NEGR1: variants seen among roughly 807,000 people sequenced by gnomAD.
NEGR1 encodes neuronal growth regulator 1.
In NEGR1, 10 loss-of-function variants were observed where a neutral mutation model predicts 40.9. The observed-to-expected ratio is 0.24, with a 90% CI of 0.15 to 0.42. The LOEUF (loss-of-function observed/expected upper bound fraction) is 0.42. Ranked by LOEUF, NEGR1 falls within the 10% of genes least tolerant of loss-of-function variation. NEGR1 has a pLI of 1.00. For missense variants in NEGR1, 352 were observed against 438.9 expected (o/e 0.80, Z 1.77); for synonymous variants, 185 against 166.8 (o/e 1.11, Z -0.84).
intron 2 of NEGR1, among the ~76,000 whole-genome samples, chr1:71,853,727 T>C (rs1659680318): frequency 6.6e-6 from 1 of 152,160 alleles, no homozygotes; most frequent in Non-Finnish European, 1.5e-5. Flanking sequence ...CAAGAGACAG[T>C]AGAAGAAAGC....
chr1:71,742,638 A>T (rs1655250883), intron 3 of NEGR1, among the ~76,000 whole-genome samples: 1 of 152,144 alleles, frequency 6.6e-6, no homozygotes, highest in Non-Finnish European at 1.5e-5. Context: ...TTGGAAGCAC[A>T]TAACTTGTCT....
rs371491907 is a variant in NEGR1, at chr1:71,639,167, G to C, written c.668-28021C>G. Among the ~76,000 whole-genome samples the C allele has an allele frequency of 4.9e-4, 67 of 136,896 alleles. No homozygotes were observed. In the Middle Eastern group the frequency reaches 0.011, roughly 23 times the overall value. 89.8% of individuals were successfully genotyped at this position (136,896 alleles called of 152,430 possible). A position where few individuals can be genotyped will look rare whatever the true frequency, so the allele number is the denominator to read the frequency against. ...CAGAAAAATACACCATCCTTGCATAGAATACTTCTGCATATTTGAAGATGA... is the reference window on the plus strand; with the variant it reads ...CAGAAAAATACACCATCCTTGCATACAATACTTCTGCATATTTGAAGATGA... On this transcript the variant is annotated intron_variant, in intron 4 of 6. Coordinates refer to ENST00000357731, the MANE Select transcript of NEGR1 (RefSeq NM_173808.3).
intron 1 of NEGR1, chr1:72,100,880 C>T (rs2100244204): frequency 6.6e-6 from 1 of 152,400 alleles, no homozygotes; most frequent in Middle Eastern, 3.4e-3. Flanking sequence ...CTGGTGAGGG[C>T]TCTATTCCTG....
chr1:71,404,860 C>G lies in NEGR1; in HGVS notation c.*2586G>C, dbSNP rs1222595287. 6.6e-6 allele frequency: 1 copy of G among 152,144 alleles called. No individual in the cohort carries two copies. Among genetic ancestry groups the G allele is most frequent in the Non-Finnish European group, 1.5e-5 (1 of 67,734 alleles). The allele number at this position is 152,144 out of a possible 1,614,324, so 9.4% of individuals were successfully genotyped here. ...GTCAGGACTGATAAAATGGGGTAAT[C>G]AGACATTTTATATGTCCATAAATGT... is the stretch of plus-strand genomic sequence containing the variant. On this transcript the variant is annotated 3_prime_UTR_variant, in exon 7 of 7. Transcript: ENST00000357731.
At chr1:71,624,697 T>A (rs560965674) in intron 4 of NEGR1, among the ~76,000 whole-genome samples, 1 of 151,920 alleles carries the variant, frequency 6.6e-6, no homozygotes, top group South Asian at 2.1e-4. Context: ...GATATTGACA[T>A]GTCGTGCTTA....
At chr1:71,989,600 C>T (rs898357866) in intron 1 of NEGR1, among the ~76,000 whole-genome samples, 6 of 151,980 alleles carry the variant, frequency 3.9e-5, no homozygotes, top group African/African-American at 1.5e-4. Context: ...AAAAAAAAAT[C>T]CTTCCAGCAT....
chr1:71,691,802 A>G (rs1012215229), intron 4 of NEGR1, among the ~76,000 whole-genome samples: 3 of 151,432 alleles, frequency 2.0e-5, no homozygotes, highest in African/African-American at 7.3e-5. Context: ...CTAAACAAAC[A>G]ACATTCTGTC....
chr1:71,641,795 G>A (rs1013386777), intron 4 of NEGR1, among the ~76,000 whole-genome samples: 2 of 151,922 alleles, frequency 1.3e-5, no homozygotes, highest in South Asian at 2.1e-4. Flanking sequence ...AGCAGCACAC[G>A]GCCCCTGTCT....
intron 6 of NEGR1, among the ~76,000 whole-genome samples, chr1:71,538,224 T>C (rs578065580): frequency 8.6e-5 from 13 of 151,832 alleles, no homozygotes; most frequent in African/African-American, 3.1e-4. Flanking sequence ...CCATTTGTAA[T>C]GGCCCTCTCT....
chr1:72,135,172 C>T (rs1409842398), intron 1 of NEGR1, among the ~76,000 whole-genome samples: 1 of 150,030 alleles, frequency 6.7e-6, no homozygotes, highest in African/African-American at 2.4e-5. Flanking sequence ...GTCAGGAGAT[C>T]GAGACCATCC....
intron 3 of NEGR1, among the ~76,000 whole-genome samples, chr1:71,733,138 A>C (rs773966096): frequency 4.6e-5 from 7 of 151,942 alleles, no homozygotes; most frequent in Non-Finnish European, 1.0e-4. Flanking sequence ...ACTCTTCAAA[A>C]TGCTGCACAG....
At chr1:71,957,694 A>G (rs1180115500) in intron 1 of NEGR1, among the ~76,000 whole-genome samples, 1 of 152,186 alleles carries the variant, frequency 6.6e-6, no homozygotes, top group Admixed American at 6.5e-5. Context: ...TAACATATCT[A>G]CTACCATTCT....
At chr1:71,504,970 G>A (rs1162189086) in intron 6 of NEGR1, among the ~76,000 whole-genome samples, 4 of 152,084 alleles carry the variant, frequency 2.6e-5, no homozygotes, top group East Asian at 3.9e-4. Flanking sequence ...ATCCTCTTGT[G>A]TGGGTTAGGA....
intron 1 of NEGR1, among the ~76,000 whole-genome samples, chr1:71,974,126 C>T (rs552449173): frequency 6.0e-4 from 91 of 152,224 alleles, no homozygotes; most frequent in African/African-American, 2.2e-3. Context: ...ACACCATTGC[C>T]TCAGGAATCC....
At position 71,821,712 on chromosome 1, in the gene NEGR1, C is replaced by T. The variant is rs189308676; in HGVS notation, c.410-45415G>A. Among the ~76,000 whole-genome samples the T allele has an allele frequency of 2.6e-5, 4 of 152,084 alleles. No individual in the cohort carries two copies. The East Asian group carries it at 5.8e-4, about 22-fold the overall frequency. On this transcript the variant is annotated intron_variant, in intron 2 of 6. Transcript: ENST00000357731. Reference sequence around the variant, plus strand: ...GAAAAAATCACAACACAGGCCTCTACGGACCTGTAGACATCATGACATTTG... The same window carrying T: ...GAAAAAATCACAACACAGGCCTCTATGGACCTGTAGACATCATGACATTTG...
intron 1 of NEGR1, among the ~76,000 whole-genome samples, chr1:72,074,911 A>G (rs1002330274): frequency 6.6e-6 from 1 of 152,136 alleles, no homozygotes; most frequent in Non-Finnish European, 1.5e-5. Context: ...TGTTTCTAAT[A>G]TAAATAGGTG....
At chr1:71,686,457 A>C (rs1018036847) in intron 4 of NEGR1, among the ~76,000 whole-genome samples, 1 of 152,144 alleles carries the variant, frequency 6.6e-6, no homozygotes, top group African/African-American at 2.4e-5. Context: ...TGTAGCTTTC[A>C]AGGTCATCCT....
chr1:71,652,663 C>T (rs536198854), intron 4 of NEGR1, among the ~76,000 whole-genome samples: 64 of 152,104 alleles, frequency 4.2e-4, no homozygotes, highest in Middle Eastern at 6.8e-3. Flanking sequence ...CCCAGGCGTT[C>T]GAGACCAGCC....
intron 6 of NEGR1, among the ~76,000 whole-genome samples, chr1:71,524,093 T>C (rs951205749): frequency 6.6e-6 from 1 of 151,832 alleles, no homozygotes; most frequent in African/African-American, 2.4e-5. Flanking sequence ...AGCATTTGCT[T>C]GTTGGCTTTT....
Sources: allele counts gnomAD v4.1 joint callset (sites outside exome capture counted in the v4.1 genomes callset), GRCh38; gene constraint gnomAD v4.1.1; transcripts MANE v1.5; gene names NCBI Gene and HGNC (gene_info 2026-07-23, HGNC 2026-07-21).